Variants in SLC35E2B observed in about 807,000 individuals in gnomAD.
SLC35E2B encodes solute carrier family 35 member E2B, also known as solute carrier family 35, member E2B.
A neutral mutation model predicts 32.4 loss-of-function variants in SLC35E2B; 18 were observed. The observed-to-expected ratio is 0.56, with a 90% CI of 0.38 to 0.82. The LOEUF is 0.82. SLC35E2B is among the 40% of genes least tolerant of loss of function. SLC35E2B has a pLI of 0.00. For synonymous variants in SLC35E2B, 132 were observed against 209.1 expected (o/e 0.63, Z 3.18); for missense variants, 263 against 469.5 (o/e 0.56, Z 4.06).
chr1:1,686,428 G>A (rs1015433785), intron 2 of SLC35E2B, among the ~76,000 whole-genome samples: 1 of 150,996 alleles, frequency 6.6e-6, no homozygotes, highest in African/African-American at 2.4e-5. Context: ...TGAGTGAAGC[G>A]AGATGCAAAC....
rs771550055 is a variant in SLC35E2B at position 1,670,108 on chromosome 1, A to G, written c.751T>C (p.Tyr251His). The G allele has an allele frequency of 1.3e-6, 2 of 1,551,626 alleles. No homozygotes were observed. Among genetic ancestry groups the G allele is most frequent in the South Asian group, 2.4e-5 (2 of 84,036 alleles). Residue 251 changes from tyrosine to histidine, a missense_variant, in exon 7 of 10, where the codon TAC becomes CAC. By Grantham distance (83) the Tyr-to-His change is moderately conservative. Around this residue, in one of 7 missense-constraint regions of SLC35E2B, gnomAD observed 129 missense variants for 164.5 expected, o/e 0.78. Coordinates refer to ENST00000617444, the MANE Select transcript of SLC35E2B (RefSeq NM_001290264.2). Reference sequence around the variant, plus strand: ...ACGAATAATACTTACGAGAACCTGTATTTGTCCCCGCTGAGCAGCTTTTTT... The same window carrying G: ...ACGAATAATACTTACGAGAACCTGTGTTTGTCCCCGCTGAGCAGCTTTTTT... ...FSKKLLSGDK[Y>H]RFSAPELQFY...
At chr1:1,688,786 G>A (rs61776797) in intron 2 of SLC35E2B, among the ~76,000 whole-genome samples, 59,419 of 150,128 alleles carry the variant, frequency 0.4, 6,329 homozygotes, top group African/African-American at 0.51. Flanking sequence ...GGCGCAGGGA[G>A]GGGGCGGCAG....
At chr1:1,684,088 C>A (rs1253496812) in intron 2 of SLC35E2B, among the ~76,000 whole-genome samples, 2 of 152,092 alleles carry the variant, frequency 1.3e-5, no homozygotes, top group South Asian at 2.1e-4. Flanking sequence ...CCCAGGAGAC[C>A]CGTGGGCCGC....
At chr1:1,668,589 G>A in intron 8 of SLC35E2B, 117 bp from the exon 9 acceptor site, 3 of 1,592,880 alleles carry the variant, frequency 1.9e-6, no homozygotes, top group East Asian at 2.3e-5. Flanking sequence ...TGCCACTGAG[G>A]ACAGCCCTGA....
At chr1:1,672,334 T>A (rs1356835201) in intron 5 of SLC35E2B, 1 of 151,936 alleles carries the variant, frequency 6.6e-6, no homozygotes, top group Non-Finnish European at 1.5e-5. Flanking sequence ...GACGATAGAG[T>A]GAGACCTTGT....
At chr1:1,680,761 TA>T (rs1242447183) in intron 2 of SLC35E2B, among the ~76,000 whole-genome samples, 13 of 151,036 alleles carry the variant, frequency 8.6e-5, no homozygotes, top group African/African-American at 3.2e-4. Flanking sequence ...TCCCCCCACG[TA>T]AACACCTGTC....
Position 1,692,791 on chromosome 1 carries a change from G to A in SLC35E2B, c.-908C>T. ...GCTGCCCGTTGGTTCCGCCCGGGCC[G>A]TTCTACTCCAGGCAGACGGGAGGAG... On this transcript the variant is annotated 5_prime_UTR_variant, in exon 1 of 10. The change creates a new upstream start codon in the 5' untranslated region. Transcript: ENST00000617444. The A allele has an allele frequency of 2.0e-6, 2 of 984,344 alleles. 1 individual carries two copies. Among genetic ancestry groups the A allele is most frequent in the Non-Finnish European group, 2.4e-6 (2 of 829,290 alleles). 61.0% of individuals were successfully genotyped at this position (984,344 alleles called of 1,614,324 possible).
At chr1:1,672,636 C>T (rs1340489075) in intron 5 of SLC35E2B, 1 of 152,292 alleles carries the variant, frequency 6.6e-6, no homozygotes, top group Admixed American at 6.5e-5. Context: ...CCATAGACGC[C>T]TATATCCAGC....
At chr1:1,675,901 C>A (rs1397318486) in intron 4 of SLC35E2B, among the ~76,000 whole-genome samples, 163 bp downstream of exon 4, 1 of 33,616 alleles carries the variant, frequency 3.0e-5, no homozygotes, top group Non-Finnish European at 8.3e-5. Context: ...GTGAGAGCCA[C>A]GAAGCCACAT....
At chr1:1,688,798 C>T (rs1029771570) in intron 2 of SLC35E2B, among the ~76,000 whole-genome samples, 10 of 151,974 alleles carry the variant, frequency 6.6e-5, no homozygotes, top group East Asian at 1.9e-4. Flanking sequence ...GGGCGGCAGC[C>T]GTCCTCCCAA....
intron 2 of SLC35E2B, among the ~76,000 whole-genome samples, chr1:1,678,354 G>A (rs1307323320): frequency 1.3e-5 from 2 of 152,058 alleles, no homozygotes; most frequent in Non-Finnish European, 2.9e-5. Context: ...AGTGCTCAGA[G>A]GTGCCTGAAA....
chr1:1,689,755 G>A (rs940513800), intron 2 of SLC35E2B, among the ~76,000 whole-genome samples: 4 of 151,376 alleles, frequency 2.6e-5, no homozygotes, highest in Admixed American at 6.6e-5. Context: ...GGGAGGCCAA[G>A]GTGGGCGGAT....
At position 1,669,683 on chromosome 1, in the gene SLC35E2B, G is replaced by C. The variant is rs1222346552; in HGVS notation, c.815C>G (p.Pro272Arg). Reference sequence around the variant, plus strand: ...ACCCACCGTAAAGAAAACCCGGGCCGGGACGAGCATGGCCACCGCAGCGGC... The same window carrying C: ...ACCCACCGTAAAGAAAACCCGGGCCCGGACGAGCATGGCCACCGCAGCGGC... ...TSAAAVAMLV[P>R]ARVFFTDVPV... is the part of the protein sequence containing the mutation. Residue 272 changes from proline to arginine, a missense_variant, in exon 8 of 10, where the codon CCG becomes CGG. Transcript: ENST00000617444. The C allele has an allele frequency of 2.0e-6, 3 of 1,528,938 alleles. No individual in the cohort carries two copies. The African/African-American group carries it at 4.1e-5, about 21-fold the overall frequency. The allele number at this position is 1,528,938 out of a possible 1,614,324, so 94.7% of individuals were successfully genotyped here.
intron 2 of SLC35E2B, among the ~76,000 whole-genome samples, chr1:1,681,948 G>A (rs1341675180): frequency 1.6e-5 from 2 of 124,872 alleles, no homozygotes; most frequent in Non-Finnish European, 3.2e-5. Context: ...TCGCGCCACT[G>A]CACTCACTCC....
At chr1:1,675,368 G>T (rs984141646) in intron 5 of SLC35E2B, 95 bp downstream of exon 5, 2 of 805,886 alleles carry the variant, frequency 2.5e-6, no homozygotes, top group Non-Finnish European at 3.9e-6. Context: ...TGGTCCTCGC[G>T]GCAGAGCCCC....
Position 1,664,537 on chromosome 1 carries a change from G to A in SLC35E2B, c.*1245C>T, listed in dbSNP as rs1485406268. The A allele has an allele frequency of 1.1e-6, 1 of 912,800 alleles. No individual in the cohort carries two copies. 56.5% of individuals were successfully genotyped at this position (912,800 alleles called of 1,614,324 possible). On this transcript the variant is annotated 3_prime_UTR_variant, in exon 10 of 10. Coordinates refer to ENST00000617444, the MANE Select transcript of SLC35E2B (RefSeq NM_001290264.2). ...CCAGCTGCGAGATTGGGGGTAAAGA[G>A]CTCAGACATGGTCAGAAGCCTCTGC...
At chr1:1,678,374 C>T (rs1643871476) in intron 2 of SLC35E2B, among the ~76,000 whole-genome samples, 1 of 152,078 alleles carries the variant, frequency 6.6e-6, no homozygotes, top group South Asian at 2.1e-4. Flanking sequence ...ACTTGGCCTC[C>T]CCATACCCGG....
intron 6 of SLC35E2B, chr1:1,670,364 C>A (rs186192413): frequency 8.6e-5 from 42 of 488,678 alleles, no homozygotes; most frequent in African/African-American, 7.7e-4. Flanking sequence ...TCAAGTGATC[C>A]ACCCGCCTCA....
intron 9 of SLC35E2B, among the ~76,000 whole-genome samples, chr1:1,667,304 TCGGGAGG>T (rs1643572457): frequency 1.3e-5 from 2 of 151,336 alleles, no homozygotes; most frequent in Admixed American, 6.6e-5. Context: ...TCCCAGCTAC[TCGGGAGG>T]CGGAGGCAGG....
Sources: gnomAD v4.1 joint callset for allele counts (sites outside exome capture counted in the v4.1 genomes callset) on GRCh38, gnomAD v4.1.1 for gene constraint, gnomAD v4.1.1 regional missense constraint, MANE v1.5 for transcripts, NCBI Gene and HGNC (gene_info 2026-07-23, HGNC 2026-07-21) for gene names.